CDH13: variants seen among roughly 807,000 people sequenced by gnomAD.
The protein encoded by CDH13 is cadherin 13, also known as cadherin-13.
A neutral mutation model predicts 63.8 loss-of-function variants in CDH13; 24 were observed. The observed-to-expected ratio is 0.38, with a 90% CI of 0.27 to 0.53. The LOEUF (loss-of-function observed/expected upper bound fraction) is 0.53, where lower values mean the gene tolerates loss of function less well. Among genes scored for constraint, CDH13 ranks in the 20% least tolerant of loss-of-function variants. The pLI is 0.85. For synonymous variants in CDH13, 503 were observed against 355.3 expected (o/e 1.42, Z -4.67); for missense variants, 1,049 against 903.1 (o/e 1.16, Z -2.07).
chr16:82,983,425 C>CT (rs1910541608), intron 2 of CDH13, among the ~76,000 whole-genome samples: 1 of 152,142 alleles, frequency 6.6e-6, no homozygotes, highest in Admixed American at 6.5e-5. Context: ...ATGTCATAGT[C>CT]TGAGTTTGGA....
chr16:83,562,872 G>C (rs1261045089), intron 7 of CDH13, among the ~76,000 whole-genome samples: 2 of 152,150 alleles, frequency 1.3e-5, no homozygotes, highest in African/African-American at 4.8e-5. Flanking sequence ...TACTATAAAG[G>C]ACCCTGAGTA....
At chr16:83,691,343 C>A (rs1904861489) in intron 10 of CDH13, among the ~76,000 whole-genome samples, 1 of 152,050 alleles carries the variant, frequency 6.6e-6, no homozygotes, top group Non-Finnish European at 1.5e-5. Context: ...CAGATAGAAG[C>A]CTGGGTGTCA....
At chr16:82,974,431 G>A (rs1909211379) in intron 2 of CDH13, among the ~76,000 whole-genome samples, 1 of 152,130 alleles carries the variant, frequency 6.6e-6, no homozygotes, top group Non-Finnish European at 1.5e-5. Flanking sequence ...ATGCAGATGG[G>A]TGTAAAAGGT....
At position 83,093,035 on chromosome 16, in the gene CDH13, T is replaced by A. The variant is rs143501958; in HGVS notation, c.367-32350T>A. The stretch of plus-strand genomic sequence containing the variant: ...AGCACAGAGATGGTTATAAAATACC[T>A]TATTTTTCTCTTCTTCATTATTATT... On this transcript the variant is annotated intron_variant, in intron 3 of 13. Transcript: ENST00000567109. Among the ~76,000 whole-genome samples the A allele has an allele frequency of 2.6e-4, 39 of 152,336 alleles. 1 individual carries two copies. Among genetic ancestry groups the A allele is most frequent in the African/African-American group, 8.7e-4 (36 of 41,590 alleles).
chr16:83,193,795 T>G (rs1419824724), intron 4 of CDH13, among the ~76,000 whole-genome samples: 1 of 152,170 alleles, frequency 6.6e-6, no homozygotes, highest in African/African-American at 2.4e-5. Flanking sequence ...TTAACAGCTC[T>G]TAAAAAAATC....
At chr16:82,637,169 C>T (rs184157278) in intron 1 of CDH13, among the ~76,000 whole-genome samples, 1 of 152,296 alleles carries the variant, frequency 6.6e-6, no homozygotes, top group Admixed American at 6.5e-5. Context: ...TGTAAAAATA[C>T]TTTGATTCAG....
At chr16:83,091,683 G>C (rs1321145992) in intron 3 of CDH13, among the ~76,000 whole-genome samples, 1 of 152,120 alleles carries the variant, frequency 6.6e-6, no homozygotes, top group African/African-American at 2.4e-5. Flanking sequence ...ATCAGATAAG[G>C]TTATAGTGAA....
rs140464044 is a variant in CDH13, at chr16:83,382,261, C to T, written c.781+37255C>T. On this transcript the variant is annotated intron_variant, in intron 6 of 13. Coordinates refer to ENST00000567109, the MANE Select transcript of CDH13 (RefSeq NM_001257.5). ...TAATGAAGACAAAAATGAACATTGA[C>T]CAATACTAGCATCATCTGCATCTCC... 2.2e-3 allele frequency among the ~76,000 whole-genome samples: 330 copies of T among 152,268 alleles called. 1 individual carries two copies. The highest frequency in any genetic ancestry group is 3.7e-3 in the Non-Finnish European group (252 of 68,022).
At chr16:82,939,730 G>T (rs917957971) in intron 2 of CDH13, among the ~76,000 whole-genome samples, 1 of 152,060 alleles carries the variant, frequency 6.6e-6, no homozygotes, top group African/African-American at 2.4e-5. Flanking sequence ...AGCTGCAAAG[G>T]TTACCCTTAC....
intron 5 of CDH13, among the ~76,000 whole-genome samples, chr16:83,291,009 C>G (rs1356317254): frequency 6.6e-6 from 1 of 152,166 alleles, no homozygotes; most frequent in Non-Finnish European, 1.5e-5. Context: ...TGCACTCATG[C>G]AGCATGTCAC....
intron 4 of CDH13, among the ~76,000 whole-genome samples, chr16:83,187,669 C>T (rs1056926001): frequency 2.6e-5 from 4 of 152,098 alleles, no homozygotes; most frequent in African/African-American, 7.2e-5. Flanking sequence ...CATTGAGCTC[C>T]AGCTACATGA....
rs1013999728 is a variant in CDH13, at chr16:83,513,644, C to T, written c.960+26989C>T. On this transcript the variant is annotated intron_variant, in intron 7 of 13. Transcript: ENST00000567109. The stretch of plus-strand genomic sequence containing the variant: ...GCGCAGGGATAGCCCCTTATAAAAC[C>T]GTGAGATCTCTTGAAAACTCATTCA... 3.3e-5 allele frequency among the ~76,000 whole-genome samples: 5 copies of T among 152,074 alleles called. No homozygotes were observed. In the East Asian group the frequency reaches 5.8e-4, roughly 18 times the overall value.
At chr16:82,975,171 G>A (rs1909323117) in intron 2 of CDH13, among the ~76,000 whole-genome samples, 1 of 152,232 alleles carries the variant, frequency 6.6e-6, no homozygotes, top group Non-Finnish European at 1.5e-5. Flanking sequence ...GAGGTGAGAT[G>A]GGGGATGGCC....
chr16:83,039,854 G>T (rs1917184938), intron 3 of CDH13, among the ~76,000 whole-genome samples: 2 of 152,048 alleles, frequency 1.3e-5, no homozygotes, highest in African/African-American at 4.8e-5. Flanking sequence ...CTTCCACTGA[G>T]GTTCCACCTA....
intron 4 of CDH13, among the ~76,000 whole-genome samples, chr16:83,149,743 G>A (rs377707221): frequency 5.0e-4 from 76 of 152,110 alleles, no homozygotes; most frequent in Non-Finnish European, 9.1e-4. Context: ...GGAAGCACTG[G>A]GGTGCTGGGG....
chr16:83,184,266 T>G (rs1325572290), intron 4 of CDH13, among the ~76,000 whole-genome samples: 3 of 152,190 alleles, frequency 2.0e-5, no homozygotes, highest in African/African-American at 7.2e-5. Context: ...GGTGCTTTTA[T>G]TTTTCACCTT....
At chr16:83,167,987 G>T (rs1844530129) in intron 4 of CDH13, among the ~76,000 whole-genome samples, 1 of 152,006 alleles carries the variant, frequency 6.6e-6, no homozygotes, top group African/African-American at 2.4e-5. Context: ...TTATAAGTGG[G>T]ACCTAAACAG....
intron 6 of CDH13, among the ~76,000 whole-genome samples, chr16:83,345,779 T>C (rs1229074725): frequency 1.3e-5 from 2 of 152,116 alleles, no homozygotes; most frequent in African/African-American, 4.8e-5. Flanking sequence ...TTTTCAGCTT[T>C]AAAATACACT....
chr16:83,211,370 T>A (rs2039332563), intron 4 of CDH13, among the ~76,000 whole-genome samples: 1 of 152,320 alleles, frequency 6.6e-6, no homozygotes, highest in East Asian at 1.9e-4. Context: ...CCGAAGTTTA[T>A]AAATGAATAC....
Sources: allele counts gnomAD v4.1 joint callset (sites outside exome capture counted in the v4.1 genomes callset), GRCh38; gene constraint gnomAD v4.1.1; transcripts MANE v1.5; gene names NCBI Gene and HGNC (gene_info 2026-07-23, HGNC 2026-07-21).